Variants in TULP4 observed in about 807,000 individuals in gnomAD.
TULP4 encodes the protein TUB like protein 4, also known as tubby-related protein 4.
Under a neutral mutation model 129.0 loss-of-function variants are expected in TULP4, and 16 were observed. The observed-to-expected ratio is 0.12, with a 90% confidence interval of 0.08 to 0.19. The LOEUF is 0.19. Among genes scored for constraint, TULP4 ranks in the 10% least tolerant of loss-of-function variants. TULP4 has a pLI of 1.00. For synonymous variants in TULP4, 998 were observed against 854.0 expected, an observed-to-expected ratio of 1.17 and a Z score of -2.94; for missense variants, 1,842 against 2,059.1, an observed-to-expected ratio of 0.89 and a Z score of 2.04.
chr6:158,481,403 C>A, intron 8 of TULP4, 114 bp downstream of exon 8: 1 of 941,384 alleles, frequency 1.1e-6, no homozygotes, highest in Non-Finnish European at 1.7e-6. Context: ...CCTGTGGGGG[C>A]TAGTGTGGAA....
intron 11 of TULP4, among the ~76,000 whole-genome samples, chr6:158,495,200 G>A (rs904283914): frequency 6.6e-6 from 1 of 151,856 alleles, no homozygotes; most frequent in Non-Finnish European, 1.5e-5. Flanking sequence ...TTACAGGTTC[G>A]CGCCACCATG....
At chr6:158,242,343 C>T (rs2128446868) in intron 1 of TULP4, 2 of 1,533,204 alleles carry the variant, frequency 1.3e-6, no homozygotes, top group South Asian at 2.2e-5. Flanking sequence ...CACTTTTTCC[C>T]AATTGCTTTG....
intron 1 of TULP4, among the ~76,000 whole-genome samples, chr6:158,287,492 G>C (rs1462297138): frequency 6.6e-6 from 1 of 152,148 alleles, no homozygotes; most frequent in Admixed American, 6.5e-5. Context: ...TAGATGTCTT[G>C]ATGAATAGAC....
At chr6:158,446,466 A>G (rs1779045542) in intron 3 of TULP4, among the ~76,000 whole-genome samples, 1 of 152,200 alleles carries the variant, frequency 6.6e-6, no homozygotes, top group African/African-American at 2.4e-5. Context: ...CAGGAATTAT[A>G]TGTATGTTCT....
At chr6:158,476,734 G>C (rs1023132890) in intron 6 of TULP4, among the ~76,000 whole-genome samples, 1 of 152,196 alleles carries the variant, frequency 6.6e-6, no homozygotes, top group Non-Finnish European at 1.5e-5. Context: ...GAGTAAAGCA[G>C]CTTTGACCAA....
At chr6:158,372,526 C>A (rs1404000890) in intron 1 of TULP4, among the ~76,000 whole-genome samples, 2 of 152,094 alleles carry the variant, frequency 1.3e-5, no homozygotes, top group African/African-American at 4.8e-5. Flanking sequence ...AATTAAATAT[C>A]AATTTCTATT....
At chr6:158,274,595 T>C (rs1778609064) in intron 1 of TULP4, among the ~76,000 whole-genome samples, 1 of 152,056 alleles carries the variant, frequency 6.6e-6, no homozygotes, top group South Asian at 2.1e-4. Context: ...GCTAACACGT[T>C]GAAACCCTGT....
intron 1 of TULP4, among the ~76,000 whole-genome samples, chr6:158,350,116 A>G (rs1274753202): frequency 7.1e-6 from 1 of 141,310 alleles, no homozygotes; most frequent in African/African-American, 2.7e-5. Flanking sequence ...GGCGCTCCTC[A>G]CTTCCCATTC....
At chr6:158,256,718 C>A (rs189830581) in intron 1 of TULP4, among the ~76,000 whole-genome samples, 539 of 152,310 alleles carry the variant, frequency 3.5e-3, no homozygotes, top group Admixed American at 6.6e-3. Context: ...AGTGGAACTG[C>A]AATGAAAAGC....
At chr6:158,448,273 CTG>C (rs952468348) in intron 3 of TULP4, among the ~76,000 whole-genome samples, 2 of 152,304 alleles carry the variant, frequency 1.3e-5, no homozygotes, top group Admixed American at 6.5e-5. Context: ...CCTCAGCACA[CTG>C]TGGTAGCAAA....
rs376951643 is a variant in TULP4, at chr6:158,260,573, C to G, written n.68+28270C>G. Among the ~76,000 whole-genome samples, 230 of 103,892 alleles carry G rather than the reference C, an allele frequency of 2.2e-3. 3 individuals are homozygous for G. Among genetic ancestry groups the G allele is most frequent in the African/African-American group, 5.9e-3 (207 of 34,898 alleles). 68.2% of individuals were successfully genotyped at this position (103,892 alleles called of 152,430 possible). A position where few individuals can be genotyped will look rare whatever the true frequency, so the allele number is the denominator to read the frequency against. On this transcript the variant is annotated intron_variant and non_coding_transcript_variant, in intron 1 of 1. Coordinates refer to the TULP4 transcript ENST00000620026. ...CCCGGGCAACAGAGCGAGACTCTGT[C>G]TCAAAAAAAAAAAAAAAATGTTCAT...
chr6:158,249,399 A>T (rs1013870423), intron 1 of TULP4, among the ~76,000 whole-genome samples: 1 of 151,670 alleles, frequency 6.6e-6, no homozygotes. Context: ...ATCTTATTCC[A>T]TTAGTAATTA....
At chr6:158,291,318 C>T (rs1012024068) in intron 1 of TULP4, among the ~76,000 whole-genome samples, 3 of 152,146 alleles carry the variant, frequency 2.0e-5, no homozygotes, top group Non-Finnish European at 2.9e-5. Context: ...GACAATCTTT[C>T]TGGGAATATA....
intron 1 of TULP4, chr6:158,241,809 G>A: frequency 7.4e-6 from 4 of 537,230 alleles, no homozygotes. Flanking sequence ...TGGCCAGGCT[G>A]GTCTCGAACT....
At chr6:158,345,425 G>A (rs1350049683) in intron 1 of TULP4, among the ~76,000 whole-genome samples, 1 of 152,180 alleles carries the variant, frequency 6.6e-6, no homozygotes, top group East Asian at 1.9e-4. Flanking sequence ...TTTCAGTGTA[G>A]GTTCTTTCTA....
chr6:158,431,788 G>A (rs341098), intron 3 of TULP4, among the ~76,000 whole-genome samples: 66,262 of 151,768 alleles, frequency 0.44, 15,214 homozygotes, highest in African/African-American at 0.58. Context: ...TGGAGGAGTC[G>A]GTAGGACAAT....
intron 6 of TULP4, among the ~76,000 whole-genome samples, chr6:158,465,656 T>C (rs636836): frequency 0.42 from 63,562 of 152,134 alleles, 14,590 homozygotes; most frequent in African/African-American, 0.62. Flanking sequence ...GTATGAGTGA[T>C]GCTGGCCCAG....
At chr6:158,367,041 C>G (rs1261090136) in intron 1 of TULP4, among the ~76,000 whole-genome samples, 3 of 136,682 alleles carry the variant, frequency 2.2e-5, no homozygotes, top group African/African-American at 8.9e-5. Flanking sequence ...CTAAGCTGGA[C>G]TTTGCTTTTG....
chr6:158,423,880 TC>T, intron 2 of TULP4, among the ~76,000 whole-genome samples: 1 of 152,116 alleles, frequency 6.6e-6, no homozygotes, highest in Non-Finnish European at 1.5e-5. Flanking sequence ...GACCTCGTGA[TC>T]CGCCCACCTC....
Sources: gnomAD v4.1 joint callset for allele counts (sites outside exome capture counted in the v4.1 genomes callset) on GRCh38, gnomAD v4.1.1 for gene constraint, MANE v1.5 for transcripts, NCBI Gene and HGNC (gene_info 2026-07-23, HGNC 2026-07-21) for gene names.